NUP43: variants seen among roughly 807,000 people sequenced by gnomAD.
NUP43 encodes the protein nucleoporin 43.
NUP43 carries 32 observed loss-of-function variants against 47.3 expected under a neutral mutation model. The observed-to-expected ratio is 0.68, with a 90% CI of 0.51 to 0.91. The LOEUF (loss-of-function observed/expected upper bound fraction) is 0.91, where lower values mean the gene tolerates loss of function less well. Ranked by LOEUF, NUP43 falls within the 40% of genes least tolerant of loss-of-function variation. The pLI is 0.00. For synonymous variants in NUP43, 147 were observed against 158.4 expected, an observed-to-expected ratio of 0.93 and a Z score of 0.54; for missense variants, 444 against 453.9, an observed-to-expected ratio of 0.98 and a Z score of 0.20.
chr6:149,736,599 T>C lies in NUP43; in HGVS notation c.662A>G (p.His221Arg), dbSNP rs1785373372. 1.3e-6 allele frequency: 2 copies of C among 1,593,666 alleles called. No homozygotes were observed. The highest frequency in any genetic ancestry group is 8.6e-7 in the Non-Finnish European group (1 of 1,163,570). ...LSLTGDRVPL[H>R]CVDRHPNQQH... ...TTGGTTGGGATGTCTATCAACACAG[T>C]GGAGTGGCACTCGGTCACCAGTCCT... The change falls in exon 6 of 8, where the codon CAC becomes CGC. Residue 221 changes from histidine to arginine, a missense_variant. By Grantham distance (29) the His-to-Arg change is conservative. Coordinates refer to ENST00000340413, the MANE Select transcript of NUP43 (RefSeq NM_198887.3).
rs1785033841 is a variant in NUP43, at chr6:149,731,466, G to A, written c.913+147C>T. On this transcript the variant is annotated intron_variant, in intron 7 of 7. Transcript: ENST00000340413. ...TAGTCCTGGCTACTCGGGAGGCTGA[G>A]GCACGAGAATCGCTTGAACCCAGGA... 5.0e-5 allele frequency: 30 copies of A among 600,702 alleles called. 1 individual carries two copies. The South Asian group carries it at 6.0e-4, about 12-fold the overall frequency. The allele number at this position is 600,702 out of a possible 1,614,324, so 37.2% of individuals were successfully genotyped here. A position where few individuals can be genotyped will look rare whatever the true frequency, so the allele number is the denominator to read the frequency against.
At chr6:149,746,673 A>C (rs753177199), upstream of NUP43, 2 of 1,549,268 alleles carry the variant, frequency 1.3e-6, no homozygotes, top group African/African-American at 2.7e-5. Context: ...TGAGAGGCCC[A>C]CCCATCTCAC....
At chr6:149,727,689 T>C (rs1784853076) in intron 7 of NUP43, 2 of 913,458 alleles carry the variant, frequency 2.2e-6, no homozygotes, top group African/African-American at 3.6e-5. Flanking sequence ...TTTCTTAAAA[T>C]ATAATCGCCT....
chr6:149,748,970 C>T (rs1194158649), upstream of NUP43, among the ~76,000 whole-genome samples: 1 of 152,104 alleles, frequency 6.6e-6, no homozygotes, highest in Non-Finnish European at 1.5e-5. Flanking sequence ...AATAAAGCCA[C>T]GGTGGAATTT....
intron 3 of NUP43, 76 bp downstream of exon 3, chr6:149,743,562 T>C (rs113268936): frequency 1.7e-5 from 15 of 878,864 alleles, no homozygotes; most frequent in African/African-American, 1.2e-4. Context: ...GCCACTGCAC[T>C]CCAGTGCGCG....
intron 7 of NUP43, among the ~76,000 whole-genome samples, chr6:149,728,948 T>C (rs1784910004): frequency 6.6e-6 from 1 of 152,200 alleles, no homozygotes; most frequent in African/African-American, 2.4e-5. Context: ...CTCTGCTGTA[T>C]TCTTCTTCAT....
At chr6:149,740,705 C>A (rs1562381824) in intron 4 of NUP43, among the ~76,000 whole-genome samples, 1 of 152,124 alleles carries the variant, frequency 6.6e-6, no homozygotes, top group Non-Finnish European at 1.5e-5. Flanking sequence ...TTTAAAAGGT[C>A]TAGAGTGGTC....
At chr6:149,742,650 T>C in intron 3 of NUP43, 80 bp from the exon 4 acceptor site, 1 of 1,048,884 alleles carries the variant, frequency 9.5e-7, no homozygotes, top group Non-Finnish European at 1.4e-6. Flanking sequence ...TATCTTTAAA[T>C]TCTGACTCAC....
At position 149,726,848 on chromosome 6, in the gene NUP43, GGTA is replaced by G; in HGVS notation, c.*118_*120del. On this transcript the variant is annotated 3_prime_UTR_variant, in exon 8 of 8. Coordinates refer to ENST00000340413, the MANE Select transcript of NUP43 (RefSeq NM_198887.3). ...GTCAAAACTGGGCATTGACATTAAT[GGTA>G]GTTTACTGATGTTTCCCCTGCAAAT... The G allele has an allele frequency of 1.4e-6, 1 of 716,860 alleles. No homozygotes were observed. The highest frequency in any genetic ancestry group is 2.4e-6 in the Non-Finnish European group (1 of 419,472). 44.4% of individuals were successfully genotyped at this position (716,860 alleles called of 1,614,324 possible).
In NUP43 at chr6:149,744,148, A is replaced by G. The variant is rs187809684; in HGVS notation, c.244-433T>C. Among the ~76,000 whole-genome samples, 116 of 152,226 alleles carry G rather than the reference A, an allele frequency of 7.6e-4. 1 individual carries two copies. The highest frequency in any genetic ancestry group is 2.7e-3 in the African/African-American group (111 of 41,534). On this transcript the variant is annotated intron_variant, in intron 2 of 7. Transcript: ENST00000340413. ...ATGAGTTGGGGTTGTAGGGAAGTGG[A>G]GGTTGCAGTGAGCCAAGATTGAGCC...
rs755364549 is a variant in NUP43 at position 149,742,478 on chromosome 6, C to T, written c.414G>A (p.Val138=). The T allele has an allele frequency of 3.1e-6, 5 of 1,614,062 alleles. No individual in the cohort carries two copies. In the East Asian group the frequency reaches 1.1e-4, roughly 36 times the overall value. ...SYSSAPCTGV[V]CNNPEIVTVG... is the part of the protein sequence containing the mutation. ...CTGTAACGATTTCTGGGTTGTTGCA[C>T]ACAACACCTGTACATGGTGCACTGC... Residue 138 remains valine, a synonymous_variant, in exon 4 of 8, where the codon GTG becomes GTA. Transcript: ENST00000340413.
At chr6:149,729,453 CT>C in intron 7 of NUP43, 4 of 870,938 alleles carry the variant, frequency 4.6e-6, no homozygotes, top group Non-Finnish European at 5.5e-6. Context: ...CAGCTCCTTC[CT>C]GCTCCAGGTT....
chr6:149,729,850 A>G (rs533893121), intron 7 of NUP43, among the ~76,000 whole-genome samples: 10 of 152,142 alleles, frequency 6.6e-5, no homozygotes, highest in Non-Finnish European at 1.3e-4. Flanking sequence ...CATTCAGTAA[A>G]TATTTCTGAA....
At position 149,734,797 on chromosome 6, in the gene NUP43, C is replaced by CAAA. The variant is rs529323368; in HGVS notation, c.790+1671_790+1673dup. Among the ~76,000 whole-genome samples, 441 of 85,224 alleles carry CAAA rather than the reference C, an allele frequency of 5.2e-3. 6 individuals carry two copies. The highest frequency in any genetic ancestry group is 0.012 in the South Asian group (28 of 2,386). The allele number at this position is 85,224 out of a possible 152,430, so 55.9% of individuals were successfully genotyped here. A position where few individuals can be genotyped will look rare whatever the true frequency, so the allele number is the denominator to read the frequency against. On this transcript the variant is annotated intron_variant, in intron 6 of 7. Transcript: ENST00000340413. The stretch of plus-strand genomic sequence containing the variant: ...TGGGCGACAGAACAAGACTCTGTCT[C>CAAA]AAAAAAAAAAAAAAAAAAGGATAAT...
At chr6:149,746,679 C>T (rs1188420209), upstream of NUP43, 7 of 1,546,202 alleles carry the variant, frequency 4.5e-6, no homozygotes, top group South Asian at 7.0e-5. Context: ...GCCCACCCAT[C>T]TCACAGAGCA....
rs1289647530 is a variant in NUP43 at position 149,730,915 on chromosome 6, A to G, written c.913+698T>C. ...ATCATGCCACTGCAGTCCAGCCTGCATGTCAGAGTGAGACGCTGTCTCAAA... is the reference window on the plus strand; with the variant it reads ...ATCATGCCACTGCAGTCCAGCCTGCGTGTCAGAGTGAGACGCTGTCTCAAA... On this transcript the variant is annotated intron_variant, in intron 7 of 7. Coordinates refer to ENST00000340413, the MANE Select transcript of NUP43 (RefSeq NM_198887.3). Among the ~76,000 whole-genome samples the G allele has an allele frequency of 5.9e-5, 9 of 151,496 alleles. No individual in the cohort carries two copies. The Admixed American group carries it at 6.0e-4, about 10-fold the overall frequency.
At chr6:149,728,324 G>A (rs543741026) in intron 7 of NUP43, 15 of 985,114 alleles carry the variant, frequency 1.5e-5, no homozygotes, top group Non-Finnish European at 1.6e-5. Context: ...AAGTAAACTT[G>A]CAAGTTCAAG....
At chr6:149,736,449 T>G (rs754290984) in intron 6 of NUP43, 22 bp downstream of exon 6, 1 of 1,544,814 alleles carries the variant, frequency 6.5e-7, no homozygotes, top group Non-Finnish European at 8.8e-7. Context: ...ATATAAACTT[T>G]CTGTATCTTC....
chr6:149,727,379 T>A, intron 7 of NUP43, 181 bp from the exon 8 acceptor site: 1 of 984,246 alleles, frequency 1.0e-6, no homozygotes, highest in Non-Finnish European at 1.2e-6. Flanking sequence ...TCAGTGATAT[T>A]AAATATTCAA....
Sources: gnomAD v4.1 joint callset for allele counts (sites outside exome capture counted in the v4.1 genomes callset) on GRCh38, gnomAD v4.1.1 for gene constraint, MANE v1.5 for transcripts, NCBI Gene and HGNC (gene_info 2026-07-23, HGNC 2026-07-21) for gene names.